ITPRID1: variants seen among roughly 807,000 people sequenced by gnomAD.
The protein encoded by ITPRID1 is protein ITPRID1.
A neutral mutation model predicts 95.4 loss-of-function variants in ITPRID1; 96 were observed. The ratio of observed to expected loss-of-function variants is 1.01; its 90% CI spans 0.85 to 1.19. ITPRID1 has a LOEUF of 1.19. ITPRID1 is among the 50% of genes most tolerant of loss of function. The pLI, the probability that ITPRID1 is intolerant of heterozygous loss-of-function variation, is 0.00. For synonymous variants in ITPRID1, 510 were observed against 453.6 expected, an observed-to-expected ratio of 1.12 and a Z score of -1.58; for missense variants, 1,339 against 1,252.9, an observed-to-expected ratio of 1.07 and a Z score of -1.04.
chr7:31,578,348 C>T lies in ITPRID1; in HGVS notation c.1084C>T (p.Gln362Ter). 1 of 1,613,858 alleles carries T rather than the reference C, an allele frequency of 6.2e-7. No homozygotes were observed. The highest frequency in any genetic ancestry group is 8.5e-7 in the Non-Finnish European group (1 of 1,179,826). The change falls in exon 9 of 15, where the codon CAG (glutamine) becomes TAG (stop). Residue 362 changes from glutamine (Q) to a stop codon, truncating the protein, a stop_gained. Transcript: ENST00000615280. LOFTEE classifies it high-confidence loss of function. ...VSEGSVKGRT[Q>*]KENLFQTNKL... is the part of the protein sequence containing the mutation. ...TGAGGGGTCAGTCAAGGGCAGAACT[C>T]AGAAGGAGAACTTATTTCAGACTAA...
At chr7:31,576,596 T>G (rs1583520631) in intron 8 of ITPRID1, among the ~76,000 whole-genome samples, 1 of 152,300 alleles carries the variant, frequency 6.6e-6, no homozygotes, top group East Asian at 1.9e-4. Context: ...ACCCCACAGT[T>G]CCTATAGGTC....
intron 10 of ITPRID1, among the ~76,000 whole-genome samples, chr7:31,589,556 T>A (rs760314471): frequency 6.6e-6 from 1 of 152,042 alleles, no homozygotes. Context: ...AGGATCAAAC[T>A]GATAGAAATC....
chr7:31,641,251 A>C (rs796095356), intron 10 of ITPRID1, among the ~76,000 whole-genome samples: 1 of 152,138 alleles, frequency 6.6e-6, no homozygotes, highest in South Asian at 2.1e-4. Context: ...CAAATCCCCT[A>C]TTTATCACTT....
intron 1 of ITPRID1, among the ~76,000 whole-genome samples, chr7:31,515,912 C>T (rs1224926715): frequency 6.6e-6 from 1 of 152,120 alleles, no homozygotes; most frequent in Non-Finnish European, 1.5e-5. Flanking sequence ...CGAGGCTGAG[C>T]TTCTGTTTCA....
chr7:31,514,923 T>C (rs899547436), intron 1 of ITPRID1, among the ~76,000 whole-genome samples: 2 of 151,842 alleles, frequency 1.3e-5, no homozygotes, highest in South Asian at 2.1e-4. Context: ...ATTGTGTTTT[T>C]AGCAGGTACC....
chr7:31,541,059 CAGAT>C (rs1783918153), intron 1 of ITPRID1, among the ~76,000 whole-genome samples: 1 of 152,190 alleles, frequency 6.6e-6, no homozygotes, highest in Non-Finnish European at 1.5e-5. Context: ...AGAATACTCA[CAGAT>C]AGTTTCCAAA....
intron 10 of ITPRID1, among the ~76,000 whole-genome samples, chr7:31,602,616 T>TG (rs943254302): frequency 6.6e-6 from 1 of 152,016 alleles, no homozygotes; most frequent in Admixed American, 6.6e-5. Context: ...AAGCTTGCAC[T>TG]GGGGGAAAAA....
At chr7:31,577,826 C>A (rs1219763553) in intron 8 of ITPRID1, 37 bp from the exon 9 acceptor site, 2 of 1,497,778 alleles carry the variant, frequency 1.3e-6, no homozygotes, top group Non-Finnish European at 1.8e-6. Flanking sequence ...GCAAAAAAGA[C>A]CCAATCTGAA....
At chr7:31,535,617 G>A (rs1291388843) in intron 1 of ITPRID1, among the ~76,000 whole-genome samples, 1 of 151,830 alleles carries the variant, frequency 6.6e-6, no homozygotes, top group East Asian at 1.9e-4. Flanking sequence ...CAACCCAAAG[G>A]TCTTTTAAAA....
Position 31,643,883 on chromosome 7 carries a change from G to T in ITPRID1, c.2513G>T (p.Gly838Val). ...AGGCACTGCCTGTGTTCACTAACTG[G>T]TCACCAGGAAGCCCAGTTCATGACG... ...VCRHCLCSLT[G>V]HQEAQFMTTL... is the part of the protein sequence containing the mutation. Residue 838 changes from glycine (G) to valine (V), a missense_variant, in exon 12 of 15, where the codon GGT becomes GTT. Physicochemically the swap from Gly to Val is moderately radical, Grantham distance 109 (BLOSUM62 -3). Transcript: ENST00000615280. The T allele has an allele frequency of 6.2e-7, 1 of 1,613,886 alleles. No individual in the cohort carries two copies. The highest frequency in any genetic ancestry group is 8.5e-7 in the Non-Finnish European group (1 of 1,179,894).
At chr7:31,589,218 C>T (rs563911881) in intron 10 of ITPRID1, among the ~76,000 whole-genome samples, 7 of 152,018 alleles carry the variant, frequency 4.6e-5, no homozygotes, top group Non-Finnish European at 8.8e-5. Flanking sequence ...ACATCAGAAA[C>T]AATGAAAGAA....
At chr7:31,656,697 G>T (rs948501331), downstream of ITPRID1, among the ~76,000 whole-genome samples, 1 of 152,260 alleles carries the variant, frequency 6.6e-6, no homozygotes, top group South Asian at 2.1e-4. Flanking sequence ...TGTAAAAAGG[G>T]ACTTATTTGT....
intron 10 of ITPRID1, among the ~76,000 whole-genome samples, chr7:31,600,654 C>T (rs1459299556): frequency 6.6e-6 from 1 of 152,184 alleles, no homozygotes; most frequent in Non-Finnish European, 1.5e-5. Context: ...TGCCTGCATG[C>T]GCAGAGCCTT....
At chr7:31,633,133 C>T (rs1336801785) in intron 10 of ITPRID1, among the ~76,000 whole-genome samples, 1 of 151,920 alleles carries the variant, frequency 6.6e-6, no homozygotes, top group South Asian at 2.1e-4. Context: ...GATCTGCCTG[C>T]CTCAGCCTCC....
At chr7:31,544,773 T>C (rs1486662698) in intron 1 of ITPRID1, among the ~76,000 whole-genome samples, 1 of 152,180 alleles carries the variant, frequency 6.6e-6, no homozygotes, top group Non-Finnish European at 1.5e-5. Flanking sequence ...ATTTAATAGC[T>C]CATTTATACA....
intron 10 of ITPRID1, among the ~76,000 whole-genome samples, chr7:31,615,757 T>A (rs79283708): frequency 9.7e-4 from 68 of 69,844 alleles, no homozygotes; most frequent in African/African-American, 2.0e-3. Flanking sequence ...GAATTCTTTT[T>A]TTTTTTTTTT....
chr7:31,615,125 C>T (rs1030187490), intron 10 of ITPRID1, among the ~76,000 whole-genome samples: 7 of 152,098 alleles, frequency 4.6e-5, no homozygotes, highest in African/African-American at 1.7e-4. Flanking sequence ...GTTATATAAT[C>T]CAGAACTTAG....
At chr7:31,529,495 T>C (rs1562550071) in intron 1 of ITPRID1, 1 of 430,540 alleles carries the variant, frequency 2.3e-6, no homozygotes, top group Non-Finnish European at 4.1e-6. Context: ...AATCCAGAAG[T>C]TGTTACTAGT....
intron 5 of ITPRID1, 146 bp from the exon 6 acceptor site, chr7:31,569,612 A>G (rs1784912145): frequency 1.6e-6 from 1 of 634,538 alleles, no homozygotes; most frequent in Non-Finnish European, 2.8e-6. Flanking sequence ...CATTCTGTCT[A>G]TTCACTGCAG....
Sources: allele counts gnomAD v4.1 joint callset (sites outside exome capture counted in the v4.1 genomes callset), GRCh38; gene constraint gnomAD v4.1.1; transcripts MANE v1.5; gene names NCBI Gene and HGNC (gene_info 2026-07-23, HGNC 2026-07-21).